Variants in CHRM3 observed in about 807,000 individuals in gnomAD.
CHRM3 encodes the protein muscarinic acetylcholine receptor M3.
In CHRM3, 11 loss-of-function variants were observed where a neutral mutation model predicts 41.8. The observed-to-expected ratio is 0.26, with a 90% CI of 0.17 to 0.44. The LOEUF (loss-of-function observed/expected upper bound fraction) is 0.44, where lower values mean the gene tolerates loss of function less well. Ranked by LOEUF, CHRM3 falls within the 20% of genes least tolerant of loss-of-function variation. CHRM3 has a pLI of 1.00. For synonymous variants in CHRM3, 297 were observed against 301.4 expected (o/e 0.99, Z 0.15); for missense variants, 571 against 745.4 (o/e 0.77, Z 2.72).
intron 6 of CHRM3, among the ~76,000 whole-genome samples, chr1:239,868,466 A>G (rs1445779856): frequency 1.3e-5 from 2 of 151,938 alleles, no homozygotes; most frequent in Non-Finnish European, 2.9e-5. Flanking sequence ...GGCTCTCCTG[A>G]CCTTTGATGA....
At position 239,912,096 on chromosome 1, in the gene CHRM3, C is replaced by G. The variant is rs1237528471; in HGVS notation, c.*2872C>G. ...ACTTTGCTTGAAAGAAGAAAATGAT[C>G]AAACCTAAAATAAACTACACATGGA... is the stretch of plus-strand genomic sequence containing the variant. On this transcript the variant is annotated 3_prime_UTR_variant, in exon 7 of 7. Coordinates refer to ENST00000676153, the MANE Select transcript of CHRM3 (RefSeq NM_001375978.1). 1 of 166,996 alleles carries G rather than the reference C, an allele frequency of 6.0e-6. No individual in the cohort carries two copies. Among genetic ancestry groups the G allele is most frequent in the Non-Finnish European group, 1.5e-5 (1 of 68,110 alleles). 10.3% of individuals were successfully genotyped at this position (166,996 alleles called of 1,614,324 possible).
chr1:239,658,053 T>A (rs949682344), intron 4 of CHRM3, among the ~76,000 whole-genome samples: 4 of 152,182 alleles, frequency 2.6e-5, no homozygotes, highest in Non-Finnish European at 4.4e-5. Context: ...AATTTGAAAT[T>A]TCATAATTTG....
chr1:239,665,761 A>G (rs1448241899), intron 4 of CHRM3, among the ~76,000 whole-genome samples: 1 of 152,182 alleles, frequency 6.6e-6, no homozygotes, highest in East Asian at 1.9e-4. Context: ...ATGAGTGGGA[A>G]CTTGCGGTGT....
intron 1 of CHRM3, among the ~76,000 whole-genome samples, chr1:239,460,392 TC>T (rs1378585622): frequency 6.6e-6 from 1 of 152,156 alleles, no homozygotes; most frequent in African/African-American, 2.4e-5. Context: ...TGACACCTTC[TC>T]TATTAGGAGA....
At chr1:239,729,373 G>A (rs1663751969) in intron 5 of CHRM3, among the ~76,000 whole-genome samples, 1 of 151,920 alleles carries the variant, frequency 6.6e-6, no homozygotes, top group African/African-American at 2.4e-5. Flanking sequence ...TCAGATGGAA[G>A]CTGAACTGCG....
intron 3 of CHRM3, among the ~76,000 whole-genome samples, chr1:239,599,527 C>T (rs780860419): frequency 2.6e-5 from 4 of 151,782 alleles, no homozygotes. Flanking sequence ...ACTTCATCTC[C>T]CACCCATACT....
At chr1:239,783,403 A>G (rs1668652177) in intron 5 of CHRM3, among the ~76,000 whole-genome samples, 1 of 152,176 alleles carries the variant, frequency 6.6e-6, no homozygotes, top group Non-Finnish European at 1.5e-5. Flanking sequence ...TAGAATGGAC[A>G]CAGCTGAAGA....
At chr1:239,873,336 A>G (rs995732743) in intron 6 of CHRM3, among the ~76,000 whole-genome samples, 6 of 152,100 alleles carry the variant, frequency 3.9e-5, no homozygotes, top group African/African-American at 1.4e-4. Context: ...ATGCAAAGGG[A>G]AACTTTCTCT....
intron 6 of CHRM3, among the ~76,000 whole-genome samples, chr1:239,836,973 T>G (rs1425050656): frequency 7.4e-6 from 1 of 135,456 alleles, no homozygotes; most frequent in Non-Finnish European, 1.6e-5. Context: ...GACTCTGTCT[T>G]AAAAAAAAAA....
chr1:239,702,804 G>A (rs61834826), intron 5 of CHRM3, among the ~76,000 whole-genome samples: 5,654 of 152,258 alleles, frequency 0.037, 164 homozygotes, highest in African/African-American at 0.067. Flanking sequence ...AATTCACTTA[G>A]TTATATATTT....
intron 3 of CHRM3, among the ~76,000 whole-genome samples, chr1:239,606,406 G>A (rs1666288688): frequency 6.6e-6 from 1 of 151,852 alleles, no homozygotes; most frequent in African/African-American, 2.4e-5. Flanking sequence ...CTCCCGAGTA[G>A]CTGGGACTAC....
chr1:239,422,630 C>T (rs1448728236), intron 1 of CHRM3, among the ~76,000 whole-genome samples: 2 of 151,870 alleles, frequency 1.3e-5, no homozygotes, highest in Non-Finnish European at 2.9e-5. Context: ...CCCATCTCTA[C>T]TAAAAATACA....
At chr1:239,637,677 G>A (rs1429114758) in intron 4 of CHRM3, among the ~76,000 whole-genome samples, 1 of 147,352 alleles carries the variant, frequency 6.8e-6, no homozygotes, top group East Asian at 2.0e-4. Flanking sequence ...CATCATAGCA[G>A]CACCTGACTG....
chr1:239,591,067 T>C (rs565964861), intron 3 of CHRM3, among the ~76,000 whole-genome samples: 1 of 152,292 alleles, frequency 6.6e-6, no homozygotes, highest in Non-Finnish European at 1.5e-5. Flanking sequence ...ACATAATAGG[T>C]TCTGTGTGTT....
chr1:239,745,389 G>A (rs369812644), intron 5 of CHRM3, among the ~76,000 whole-genome samples: 3 of 151,978 alleles, frequency 2.0e-5, no homozygotes, highest in Non-Finnish European at 2.9e-5. Flanking sequence ...TGATGGTCAC[G>A]CGGTATGCAA....
chr1:239,866,699 T>C (rs547750788), intron 6 of CHRM3, among the ~76,000 whole-genome samples: 8 of 152,342 alleles, frequency 5.3e-5, no homozygotes, highest in Non-Finnish European at 1.0e-4. Flanking sequence ...ATGTATTCCT[T>C]TATTCATTCA....
intron 2 of CHRM3, among the ~76,000 whole-genome samples, chr1:239,508,987 T>G (rs1668753559): frequency 6.6e-6 from 1 of 152,178 alleles, no homozygotes; most frequent in Admixed American, 6.5e-5. Flanking sequence ...CAAATAAATA[T>G]ACTGGATACA....
At chr1:239,756,819 A>AT (rs1666281077) in intron 5 of CHRM3, among the ~76,000 whole-genome samples, 3 of 150,090 alleles carry the variant, frequency 2.0e-5, no homozygotes, top group Admixed American at 2.0e-4. Flanking sequence ...CATTTCTGAG[A>AT]TGTTTAATAT....
intron 3 of CHRM3, among the ~76,000 whole-genome samples, chr1:239,571,542 C>T (rs1661829103): frequency 6.6e-6 from 1 of 152,136 alleles, no homozygotes; most frequent in Non-Finnish European, 1.5e-5. Flanking sequence ...GGGACACTGA[C>T]CTGTTTTAAG....
Sources: gnomAD v4.1 joint callset for allele counts (sites outside exome capture counted in the v4.1 genomes callset) on GRCh38, gnomAD v4.1.1 for gene constraint, MANE v1.5 for transcripts, NCBI Gene and HGNC (gene_info 2026-07-23, HGNC 2026-07-21) for gene names.